KLHDC4: variants seen among roughly 807,000 people sequenced by gnomAD.
The protein encoded by KLHDC4 is kelch domain containing 4, also known as kelch domain-containing protein 4.
Under a neutral mutation model 62.4 loss-of-function variants are expected in KLHDC4, and 90 were observed. The ratio of observed to expected loss-of-function variants is 1.44; its 90% CI spans 1.22 to 1.72. The LOEUF (loss-of-function observed/expected upper bound fraction) is 1.72. Among genes scored for constraint, KLHDC4 ranks in the 40% most tolerant of loss-of-function variants. The pLI is 0.00. For missense variants in KLHDC4, 1,025 were observed against 699.7 expected (o/e 1.47, Z -5.25); for synonymous variants, 386 against 284.4 (o/e 1.36, Z -3.59).
At chr16:87,732,190 G>A (rs1458111149) in intron 5 of KLHDC4, among the ~76,000 whole-genome samples, 2 of 151,770 alleles carry the variant, frequency 1.3e-5, no homozygotes, top group East Asian at 3.9e-4. Context: ...CCGCCTCCAG[G>A]GTTCAAGTGA....
At chr16:87,701,572 C>A (rs752027621) in exon 1 of KLHDC4, 1 of 409,110 alleles carries the variant, frequency 2.4e-6, no homozygotes, top group Non-Finnish European at 5.0e-6. Flanking sequence ...TAGCCGGGTG[C>A]TGGGCCCAGG....
rs567065014 is a variant in KLHDC4 at position 87,709,213 on chromosome 16, C to T, written c.1447+52G>A. On this transcript the variant is annotated intron_variant, in intron 10 of 11. Coordinates refer to ENST00000270583, the MANE Select transcript of KLHDC4 (RefSeq NM_017566.4). ...GCTTGCTTTCGAGGGACGCGACACA[C>T]GACCGTGGGCTCTCGCTCCCGGGCA... is the stretch of plus-strand genomic sequence containing the variant. 7.7e-5 allele frequency: 121 copies of T among 1,564,266 alleles called. 3 individuals are homozygous for T. The South Asian group carries it at 1.2e-3, about 15-fold the overall frequency.
chr16:87,708,247 T>A lies in KLHDC4; in HGVS notation c.*1+103A>T, dbSNP rs1002433260. ...AAATTACTCCACACACCAACGTTTT[T>A]AAAAAATTTACAAAGCTGAATTCCA... On this transcript the variant is annotated intron_variant, in intron 11 of 11. Coordinates refer to ENST00000270583, the MANE Select transcript of KLHDC4 (RefSeq NM_017566.4). The A allele has an allele frequency of 1.1e-4, 90 of 828,464 alleles. No individual in the cohort carries two copies. The East Asian group carries it at 2.4e-3, about 22-fold the overall frequency. The allele number at this position is 828,464 out of a possible 1,614,324, so 51.3% of individuals were successfully genotyped here.
At chr16:87,756,246 C>G (rs2044870338) in intron 3 of KLHDC4, 153 bp downstream of exon 3, 3 of 584,054 alleles carry the variant, frequency 5.1e-6, no homozygotes, top group African/African-American at 1.9e-5. Context: ...CCTGGAGCAT[C>G]CTGGCGACGT....
intron 7 of KLHDC4, among the ~76,000 whole-genome samples, chr16:87,725,020 A>G (rs1003066494): frequency 6.6e-6 from 1 of 152,250 alleles, no homozygotes; most frequent in Non-Finnish European, 1.5e-5. Flanking sequence ...TTCAGCACGA[A>G]GCAGCAATGA....
At chr16:87,756,502 C>T (rs1358269372) in intron 2 of KLHDC4, 25 bp from the exon 3 acceptor site, 1 of 1,579,932 alleles carries the variant, frequency 6.3e-7, no homozygotes, top group Admixed American at 1.7e-5. Flanking sequence ...AGCGGCAGGT[C>T]AGCAAGATCA....
intron 1 of KLHDC4, 55 bp downstream of exon 1, chr16:87,765,737 G>C: frequency 6.7e-7 from 1 of 1,503,382 alleles, no homozygotes; most frequent in South Asian, 1.2e-5. Context: ...CAGGGAGTCG[G>C]CCGAGGCTGC....
intron 6 of KLHDC4, among the ~76,000 whole-genome samples, chr16:87,729,844 G>T (rs368114444): frequency 6.6e-6 from 1 of 152,220 alleles, no homozygotes; most frequent in South Asian, 2.1e-4. Context: ...TTAAAATGCA[G>T]ATTCCTGGGC....
intron 2 of KLHDC4, among the ~76,000 whole-genome samples, chr16:87,759,703 G>GCA (rs2045570615): frequency 6.6e-6 from 1 of 152,148 alleles, no homozygotes; most frequent in Non-Finnish European, 1.5e-5. Context: ...TCGTGCCATT[G>GCA]CACTCCAGCC....
intron 5 of KLHDC4, among the ~76,000 whole-genome samples, chr16:87,735,461 C>A (rs1293296535): frequency 1.3e-5 from 2 of 152,226 alleles, no homozygotes; most frequent in African/African-American, 4.8e-5. Context: ...GGGCGCCCCC[C>A]GCTGCCCTAA....
chr16:87,720,658 G>A (rs867828460), intron 7 of KLHDC4, among the ~76,000 whole-genome samples: 4 of 152,330 alleles, frequency 2.6e-5, no homozygotes, highest in Middle Eastern at 3.4e-3. Flanking sequence ...CACGTGTCGC[G>A]AGAGCAGCAT....
Position 87,726,815 on chromosome 16 carries a change from A to C in KLHDC4, c.709T>G (p.Ser237Ala). The C allele has an allele frequency of 6.2e-7, 1 of 1,610,334 alleles. No individual in the cohort carries two copies. The highest frequency in any genetic ancestry group is 8.5e-7 in the Non-Finnish European group (1 of 1,178,720). Residue 237 changes from serine to alanine, a missense_variant, in exon 7 of 12, where the codon TCC (serine) becomes GCC (alanine). Transcript: ENST00000270583. ...ACGATGCCGCCCTGGGGAGTGACGGACATCTGGCAGCCTGATCTGGGTGTG... is the reference window on the plus strand; with the variant it reads ...ACGATGCCGCCCTGGGGAGTGACGGCCATCTGGCAGCCTGATCTGGGTGTG... ...GPTPRSGCQMSVTPQGGIVVY... is the reference protein window; with the variant it reads ...GPTPRSGCQMAVTPQGGIVVY...
intron 8 of KLHDC4, among the ~76,000 whole-genome samples, chr16:87,711,707 G>A (rs181552925): frequency 3.2e-4 from 48 of 152,296 alleles, no homozygotes; most frequent in Non-Finnish European, 5.0e-4. Flanking sequence ...GCTACAAGCC[G>A]CAGTGGAAAG....
intron 6 of KLHDC4, among the ~76,000 whole-genome samples, chr16:87,727,371 G>C (rs544730525): frequency 7.9e-5 from 12 of 152,356 alleles, no homozygotes; most frequent in African/African-American, 2.9e-4. Flanking sequence ...GCAACCGTAA[G>C]GGCAGCAGTG....
rs745775238 is a variant in KLHDC4, at chr16:87,708,119, C to T, written c.*2-44G>A. ...GGAATGAGAGAGAAACACATTCAGCCGAGGGGGAGGCCCGTGCAGGAGGGG... is the reference window on the plus strand; with the variant it reads ...GGAATGAGAGAGAAACACATTCAGCTGAGGGGGAGGCCCGTGCAGGAGGGG... On this transcript the variant is annotated intron_variant, in intron 11 of 11. Coordinates refer to ENST00000270583, the MANE Select transcript of KLHDC4 (RefSeq NM_017566.4). 32 of 659,358 alleles carry T rather than the reference C, an allele frequency of 4.9e-5. No homozygotes were observed. In the East Asian group the frequency reaches 5.8e-4, roughly 12 times the overall value. The allele number at this position is 659,358 out of a possible 1,614,324, so 40.8% of individuals were successfully genotyped here.
At chr16:87,756,571 C>A in intron 2 of KLHDC4, 94 bp from the exon 3 acceptor site, 1 of 881,872 alleles carries the variant, frequency 1.1e-6, no homozygotes, top group African/African-American at 1.7e-5. Context: ...TCACCACAAA[C>A]TGGCTGCCTC....
At chr16:87,737,563 A>G (rs1597208913) in intron 5 of KLHDC4, among the ~76,000 whole-genome samples, 1 of 149,138 alleles carries the variant, frequency 6.7e-6, no homozygotes, top group Admixed American at 6.7e-5. Flanking sequence ...ACTCCAGCTC[A>G]CCTTCCCGGT....
At chr16:87,706,848 C>T (rs555002310), downstream of KLHDC4, among the ~76,000 whole-genome samples, 20 of 152,302 alleles carry the variant, frequency 1.3e-4, no homozygotes, top group South Asian at 2.7e-3. Flanking sequence ...CACCTGGAGC[C>T]GTAAGGATGA....
At chr16:87,730,512 T>C (rs201504370) in intron 6 of KLHDC4, 40 bp downstream of exon 6, 46 of 1,491,370 alleles carry the variant, frequency 3.1e-5, no homozygotes, top group Admixed American at 1.2e-4. Flanking sequence ...CACTCCTTAA[T>C]GCTTCAGGAG....
Sources: gnomAD v4.1 joint callset for allele counts (sites outside exome capture counted in the v4.1 genomes callset) on GRCh38, gnomAD v4.1.1 for gene constraint, MANE v1.5 for transcripts, NCBI Gene and HGNC (gene_info 2026-07-23, HGNC 2026-07-21) for gene names.